Variants in RAB38 observed in about 807,000 individuals in gnomAD.
The protein encoded by RAB38 is ras-related protein Rab-38.
RAB38 carries 15 observed loss-of-function variants against 18.4 expected under a neutral mutation model. The ratio of observed to expected loss-of-function variants is 0.82; its 90% CI spans 0.55 to 1.26. The LOEUF (loss-of-function observed/expected upper bound fraction) is 1.26. Ranked by LOEUF, RAB38 falls within the 50% of genes most tolerant of loss-of-function variation. The probability of loss-of-function intolerance (pLI) is 0.00; values close to 1 mark genes in which losing one functional copy is unlikely to be tolerated. For synonymous variants in RAB38, 101 were observed against 104.4 expected (o/e 0.97, Z 0.20); for missense variants, 294 against 267.4 (o/e 1.10, Z -0.69).
chr11:87,852,950 TTGCA>T, the RAB38 span, among the ~76,000 whole-genome samples: 28,969 of 152,136 alleles, frequency 0.19, 3,427 homozygotes, highest in African/African-American at 0.32. Flanking sequence ...AACATCTATC[TTGCA>T]TATGACTAAG....
chr11:88,125,474 T>G (rs1942683855), intron 2 of RAB38, among the ~76,000 whole-genome samples: 1 of 152,238 alleles, frequency 6.6e-6, no homozygotes, highest in Non-Finnish European at 1.5e-5. Flanking sequence ...TGAAGTTCAG[T>G]ATATCCTCTA....
rs78426990 is a variant in RAB38, at chr11:88,149,669, C to T, written c.483+6G>A. On this transcript the variant is annotated splice_donor_region_variant and intron_variant, in intron 2 of 2. Transcript: ENST00000243662. The stretch of plus-strand genomic sequence containing the variant: ...ATATTAAGCTTATTATTTAAAGTCA[C>T]ATTACCTTTGCTGATGTTTCAAACC... 1.3e-3 allele frequency: 2,044 copies of T among 1,603,406 alleles called. 20 individuals are homozygous for T. In the African/African-American group the frequency reaches 0.018, roughly 14 times the overall value.
the RAB38 span, among the ~76,000 whole-genome samples, chr11:87,949,894 T>C: frequency 1.2e-3 from 186 of 152,322 alleles, no homozygotes; most frequent in Non-Finnish European, 2.4e-3. Flanking sequence ...GTTCTGTAGA[T>C]GTCTATTAGG....
At chr11:87,951,282 TA>T in the RAB38 span, among the ~76,000 whole-genome samples, 32 of 151,986 alleles carry the variant, frequency 2.1e-4, no homozygotes, top group Non-Finnish European at 4.4e-5. Flanking sequence ...TTCTAGTTGT[TA>T]TCCATTCTTC....
chr11:88,132,358 C>G (rs927287119), intron 2 of RAB38, among the ~76,000 whole-genome samples: 1 of 152,118 alleles, frequency 6.6e-6, no homozygotes, highest in Admixed American at 6.5e-5. Flanking sequence ...TACCTCAAGA[C>G]TTGTTTCATG....
At chr11:87,936,105 T>G in the RAB38 span, among the ~76,000 whole-genome samples, 1 of 152,084 alleles carries the variant, frequency 6.6e-6, no homozygotes, top group Non-Finnish European at 1.5e-5. Flanking sequence ...TTTCATCTTC[T>G]CAGTAGGTTC....
At chr11:88,150,827 T>C (rs935654445) in intron 1 of RAB38, among the ~76,000 whole-genome samples, 1 of 152,190 alleles carries the variant, frequency 6.6e-6, no homozygotes, top group African/African-American at 2.4e-5. Context: ...GTACTCTCTC[T>C]TCCGCAGGCT....
the RAB38 span, among the ~76,000 whole-genome samples, chr11:87,904,629 C>G: frequency 5.2e-4 from 79 of 151,668 alleles, no homozygotes; most frequent in Admixed American, 1.1e-3. Flanking sequence ...AATGATAGTT[C>G]TGTTTTAAAT....
chr11:87,938,477 GGA>G, the RAB38 span, among the ~76,000 whole-genome samples: 1 of 152,184 alleles, frequency 6.6e-6, no homozygotes, highest in South Asian at 2.1e-4. Context: ...CCTCACAAAG[GGA>G]GAAGTCCAGT....
At chr11:87,954,705 C>A in the RAB38 span, among the ~76,000 whole-genome samples, 2 of 151,906 alleles carry the variant, frequency 1.3e-5, no homozygotes, top group Non-Finnish European at 2.9e-5. Context: ...TAGGCGAGCC[C>A]GGGAGCAGGC....
the RAB38 span, among the ~76,000 whole-genome samples, chr11:87,845,015 T>C: frequency 6.6e-6 from 1 of 152,234 alleles, no homozygotes; most frequent in Non-Finnish European, 1.5e-5. Flanking sequence ...ATATTTATAA[T>C]AGTCATTATC....
intron 2 of RAB38, among the ~76,000 whole-genome samples, chr11:88,126,761 C>G (rs1414450672): frequency 6.6e-6 from 1 of 151,936 alleles, no homozygotes; most frequent in Non-Finnish European, 1.5e-5. Flanking sequence ...ACTCGTGTAA[C>G]CTCCAGGAAG....
the RAB38 span, among the ~76,000 whole-genome samples, chr11:87,962,110 A>G: frequency 1.3e-5 from 2 of 152,184 alleles, no homozygotes; most frequent in Non-Finnish European, 2.9e-5. Context: ...GAAGTTCTCT[A>G]TAAATTGATT....
chr11:87,908,240 T>A, the RAB38 span, among the ~76,000 whole-genome samples: 2 of 151,978 alleles, frequency 1.3e-5, no homozygotes, highest in African/African-American at 4.8e-5. Context: ...AAAGCCCTGT[T>A]ATGAAGCAGA....
At chr11:88,054,920 G>T in the RAB38 span, among the ~76,000 whole-genome samples, 1 of 152,126 alleles carries the variant, frequency 6.6e-6, no homozygotes, top group Non-Finnish European at 1.5e-5. Context: ...AGAGTTGTCT[G>T]GTTCTAAATT....
the RAB38 span, among the ~76,000 whole-genome samples, chr11:87,819,674 ATGTGTATATATATATATGTGTGTG>A: frequency 6.8e-6 from 1 of 147,582 alleles, no homozygotes; most frequent in Non-Finnish European, 1.5e-5. Flanking sequence ...ATATATATAT[ATGTGTATATATATATATGTGTGTG>A]TGTGTATATA....
At chr11:87,962,531 G>A in the RAB38 span, among the ~76,000 whole-genome samples, 1 of 152,086 alleles carries the variant, frequency 6.6e-6, no homozygotes, top group Non-Finnish European at 1.5e-5. Flanking sequence ...GGATATGCTG[G>A]TCAAAGGATA....
the RAB38 span, among the ~76,000 whole-genome samples, chr11:87,847,417 CATAACTT>C: frequency 1.3e-5 from 2 of 151,872 alleles, no homozygotes; most frequent in Non-Finnish European, 2.9e-5. Context: ...TTTCTTAAGA[CATAACTT>C]ATAAAAATTT....
chr11:88,087,849 A>G, the RAB38 span, among the ~76,000 whole-genome samples: 1 of 151,872 alleles, frequency 6.6e-6, no homozygotes, highest in Non-Finnish European at 1.5e-5. Flanking sequence ...TCTTCACTTT[A>G]TCCTGTCTGG....
Sources: allele counts gnomAD v4.1 joint callset (sites outside exome capture counted in the v4.1 genomes callset), GRCh38; gene constraint gnomAD v4.1.1; transcripts MANE v1.5; gene names NCBI Gene and HGNC (gene_info 2026-07-23, HGNC 2026-07-21).